Variants in PLAAT1 observed in about 807,000 individuals in gnomAD.
PLAAT1 encodes phospholipase A and acyltransferase 1, also known as H-REV107 protein-related protein.
PLAAT1 carries 13 observed loss-of-function variants against 16.4 expected under a neutral mutation model. That is an observed-to-expected ratio of 0.79 (90% CI 0.52 to 1.26). PLAAT1 has a LOEUF of 1.26. Ranked by LOEUF, PLAAT1 falls within the 50% of genes most tolerant of loss-of-function variation. The pLI, the probability that PLAAT1 is intolerant of heterozygous loss-of-function variation, is 0.00. For missense variants in PLAAT1, 218 were observed against 207.8 expected, an observed-to-expected ratio of 1.05 and a Z score of -0.30; for synonymous variants, 73 against 78.4, an observed-to-expected ratio of 0.93 and a Z score of 0.36.
intron 1 of PLAAT1, among the ~76,000 whole-genome samples, chr3:193,249,096 T>C (rs1411074675): frequency 6.6e-6 from 1 of 152,152 alleles, no homozygotes; most frequent in Non-Finnish European, 1.5e-5. Flanking sequence ...GTAGTATTCT[T>C]GGTTGGCAGG....
At chr3:193,256,660 A>C (rs1716387733) in intron 2 of PLAAT1, among the ~76,000 whole-genome samples, 1 of 152,230 alleles carries the variant, frequency 6.6e-6, no homozygotes, top group Non-Finnish European at 1.5e-5. Flanking sequence ...AATATAGTGA[A>C]ATGAACATAA....
At chr3:193,270,127 G>T (rs939559351) in intron 3 of PLAAT1, among the ~76,000 whole-genome samples, 1 of 150,066 alleles carries the variant, frequency 6.7e-6, no homozygotes, top group African/African-American at 2.5e-5. Context: ...ACTTACTTTG[G>T]TGTAGACCCA....
chr3:193,245,805 A>G (rs1043262938), intron 1 of PLAAT1, among the ~76,000 whole-genome samples: 3 of 152,076 alleles, frequency 2.0e-5, no homozygotes, highest in African/African-American at 7.2e-5. Context: ...TATTTTTTCC[A>G]TCTACCTTTT....
rs953332852 is a variant in PLAAT1 at position 193,241,240 on chromosome 3, C to T, written c.-294C>T. On this transcript the variant is annotated 5_prime_UTR_variant, in exon 1 of 4. Transcript: ENST00000264735. ...CCCCATGGTCAGAGCCTCGTGCCGG[C>T]TCGGCAGCGCCCGGACGCCGAGCCC... 2.7e-5 allele frequency: 33 copies of T among 1,225,756 alleles called. No homozygotes were observed. Among genetic ancestry groups the T allele is most frequent in the Middle Eastern group, 3.1e-4 (1 of 3,178 alleles). 75.9% of individuals were successfully genotyped at this position (1,225,756 alleles called of 1,614,324 possible).
intron 2 of PLAAT1, among the ~76,000 whole-genome samples, chr3:193,257,193 G>A (rs1261662503): frequency 2.0e-5 from 3 of 152,120 alleles, no homozygotes; most frequent in Non-Finnish European, 4.4e-5. Flanking sequence ...TACAGTTAAA[G>A]AATCACGGAG....
chr3:193,278,273 C>T (rs534949131), downstream of PLAAT1, among the ~76,000 whole-genome samples: 1 of 152,352 alleles, frequency 6.6e-6, no homozygotes, highest in Admixed American at 6.5e-5. Flanking sequence ...TGTCTCTCCT[C>T]TCACATGTAG....
At position 193,255,733 on chromosome 3, in the gene PLAAT1, A is replaced by C. The variant is rs767681431; in HGVS notation, c.83A>C (p.Tyr28Ser). 1 of 1,613,292 alleles carries C rather than the reference A, an allele frequency of 6.2e-7. No individual in the cohort carries two copies. Among genetic ancestry groups the C allele is most frequent in the Admixed American group, 1.7e-5 (1 of 59,984 alleles). The change falls in exon 2 of 4, where the codon TAT (tyrosine) becomes TCT (serine). Residue 28 changes from tyrosine to serine, a missense_variant. Tyr to Ser is a moderately radical substitution (Grantham distance 144, BLOSUM62 -2). Coordinates refer to ENST00000264735, the MANE Select transcript of PLAAT1 (RefSeq NM_020386.5). ...GDLIEVFRPG[Y>S]QHWALYLGDG... The stretch of plus-strand genomic sequence containing the variant: ...TTGATCGAAGTGTTCCGTCCTGGCT[A>C]TCAGCACTGGGCCCTGTACTTGGGT...
At chr3:193,279,339 C>G, downstream of PLAAT1, 1 of 1,533,134 alleles carries the variant, frequency 6.5e-7, no homozygotes, top group Non-Finnish European at 9.0e-7. Flanking sequence ...ATGAGTCATG[C>G]CAGATGTGCA....
At position 193,263,183 on chromosome 3, in the gene PLAAT1, A is replaced by G; in HGVS notation, c.353A>G (p.Asn118Ser). 6.2e-7 allele frequency: 1 copy of G among 1,614,200 alleles called. No individual in the cohort carries two copies. Among genetic ancestry groups the G allele is most frequent in the Non-Finnish European group, 8.5e-7 (1 of 1,180,018 alleles). The change falls in exon 3 of 4, where the codon AAC becomes AGC. Residue 118 changes from asparagine (N) to serine (S), a missense_variant. Physicochemically the swap from Asn to Ser is conservative, Grantham distance 46. Transcript: ENST00000264735. ...GTGGCCTATAACTTACTTGTCAACAACTGTGAACATTTTGTGACATTGCTT... is the reference window on the plus strand; with the variant it reads ...GTGGCCTATAACTTACTTGTCAACAGCTGTGAACATTTTGTGACATTGCTT... ...QEVAYNLLVN[N>S]CEHFVTLLRY...
At chr3:193,271,311 C>T (rs1553807637), downstream of PLAAT1, among the ~76,000 whole-genome samples, 1 of 152,126 alleles carries the variant, frequency 6.6e-6, no homozygotes, top group Non-Finnish European at 1.5e-5. Flanking sequence ...ACTTGCTTGT[C>T]AGGAGGACAT....
intron 1 of PLAAT1, among the ~76,000 whole-genome samples, chr3:193,249,869 C>T (rs1716129168): frequency 1.3e-5 from 2 of 151,756 alleles, no homozygotes; most frequent in South Asian, 2.1e-4. Context: ...TCTGTCTCAT[C>T]GTTGAAGTTC....
intron 1 of PLAAT1, among the ~76,000 whole-genome samples, chr3:193,249,859 T>G (rs539602031): frequency 3.9e-4 from 59 of 152,186 alleles, no homozygotes; most frequent in African/African-American, 1.4e-3. Flanking sequence ...TTTAATATTT[T>G]CTGTCTCATC....
Position 193,255,703 on chromosome 3 carries a change from G to A in PLAAT1, c.53G>A (p.Gly18Glu). Residue 18 changes from glycine to glutamate, a missense_variant, in exon 2 of 4, where the codon GGG becomes GAG. Gly to Glu is a moderately conservative substitution (Grantham distance 98, BLOSUM62 -2). Coordinates refer to ENST00000264735, the MANE Select transcript of PLAAT1 (RefSeq NM_020386.5). ...SLNYPGNPCPGDLIEVFRPGY... is the reference protein window; with the variant it reads ...SLNYPGNPCPEDLIEVFRPGY... ...AACTACCCTGGCAACCCCTGCCCAGGGGACTTGATCGAAGTGTTCCGTCCT... is the reference window on the plus strand; with the variant it reads ...AACTACCCTGGCAACCCCTGCCCAGAGGACTTGATCGAAGTGTTCCGTCCT... The A allele has an allele frequency of 6.2e-7, 1 of 1,613,120 alleles. No homozygotes were observed. The highest frequency in any genetic ancestry group is 8.5e-7 in the Non-Finnish European group (1 of 1,179,386).
At chr3:193,274,175 G>A (rs112308249), downstream of PLAAT1, among the ~76,000 whole-genome samples, 6 of 152,196 alleles carry the variant, frequency 3.9e-5, no homozygotes, top group African/African-American at 9.6e-5. Flanking sequence ...TCTGGGAGGC[G>A]GAGGTTGCAG....
chr3:193,260,268 G>A (rs1716536702), intron 2 of PLAAT1, among the ~76,000 whole-genome samples: 1 of 152,056 alleles, frequency 6.6e-6, no homozygotes, highest in South Asian at 2.1e-4. Flanking sequence ...AGAAAACCTA[G>A]GAAACACTCT....
intron 1 of PLAAT1, among the ~76,000 whole-genome samples, chr3:193,247,982 G>A (rs1320158445): frequency 2.0e-5 from 3 of 152,144 alleles, no homozygotes; most frequent in Non-Finnish European, 2.9e-5. Context: ...ATATTTCCTT[G>A]TTGATTTTTG....
At chr3:193,270,069 A>AATACACACACACACACACACACAC (rs34199975) in intron 3 of PLAAT1, among the ~76,000 whole-genome samples, 2 of 147,878 alleles carry the variant, frequency 1.4e-5, no homozygotes, top group East Asian at 2.0e-4. Flanking sequence ...ACATCCCTGA[A>AATACACACACACACACACACACAC]ACACACACAC....
Position 193,241,543 on chromosome 3 carries a change from G to A in PLAAT1, c.-1+10G>A. ...CCGGCTTGAGAGTGAGGTGTGCTGG[G>A]CGGAGTGGGGGAGGACCTCGAGGCG... On this transcript the variant is annotated intron_variant, in intron 1 of 3. Coordinates refer to ENST00000264735, the MANE Select transcript of PLAAT1 (RefSeq NM_020386.5). The A allele has an allele frequency of 8.1e-7, 1 of 1,232,054 alleles. No individual in the cohort carries two copies. Among genetic ancestry groups the A allele is most frequent in the Non-Finnish European group, 1.0e-6 (1 of 988,228 alleles). The allele number at this position is 1,232,054 out of a possible 1,614,324, so 76.3% of individuals were successfully genotyped here. A position where few individuals can be genotyped will look rare whatever the true frequency, so the allele number is the denominator to read the frequency against.
Position 193,263,175 on chromosome 3 carries a change from T to C in PLAAT1, c.345T>C (p.Leu115=). The C allele has an allele frequency of 1.1e-5, 18 of 1,614,210 alleles. No individual in the cohort carries two copies. The highest frequency in any genetic ancestry group is 1.5e-5 in the Non-Finnish European group (18 of 1,180,024). Residue 115 remains leucine, a synonymous_variant, in exon 3 of 4, where the codon CTT becomes CTC. Coordinates refer to ENST00000264735, the MANE Select transcript of PLAAT1 (RefSeq NM_020386.5). ...GACAGGAGGTGGCCTATAACTTACT[T>C]GTCAACAACTGTGAACATTTTGTGA... ...VIGQEVAYNL[L]VNNCEHFVTL... is the part of the protein sequence containing the mutation.
Sources: gnomAD v4.1 joint callset for allele counts (sites outside exome capture counted in the v4.1 genomes callset) on GRCh38, gnomAD v4.1.1 for gene constraint, MANE v1.5 for transcripts, NCBI Gene and HGNC (gene_info 2026-07-23, HGNC 2026-07-21) for gene names.